The following NPAT variants were observed in gnomAD, a reference collection of about 807,000 sequenced individuals.
The protein encoded by NPAT is nuclear protein, coactivator of histone transcription, also known as protein NPAT.
Under a neutral mutation model 130.7 loss-of-function variants are expected in NPAT, and 52 were observed. The ratio of observed to expected loss-of-function variants is 0.40; its 90% confidence interval spans 0.32 to 0.50. NPAT has a LOEUF of 0.50. Among genes scored for constraint, NPAT ranks in the 20% least tolerant of loss-of-function variants. The probability of loss-of-function intolerance (pLI) is 0.68; values close to 1 mark genes in which losing one functional copy is unlikely to be tolerated. For synonymous variants in NPAT, 580 were observed against 584.8 expected, an observed-to-expected ratio of 0.99 and a Z score of 0.12; for missense variants, 1,687 against 1,662.6, an observed-to-expected ratio of 1.01 and a Z score of -0.26.
rs776739055 is a variant in NPAT, at chr11:108,173,845, T to C, written c.1139A>G (p.Gln380Arg). 1.7e-5 allele frequency: 27 copies of C among 1,614,082 alleles called. No individual in the cohort carries two copies. The highest frequency in any genetic ancestry group is 2.2e-5 in the Non-Finnish European group (26 of 1,179,956). Residue 380 changes from glutamine (Q) to arginine (R), a missense_variant, in exon 13 of 18, where the codon CAG becomes CGG. Coordinates refer to ENST00000278612, the MANE Select transcript of NPAT (RefSeq NM_002519.3). ...TGTACAAAAAGCGGGCTGACCAGAC[T>C]GACCATCTGCAAAGTATCAGGCAGG... is the stretch of plus-strand genomic sequence containing the variant. ...GSFETEESDG[Q>R]SGQPAFCTSY...
chr11:108,207,742 A>G (rs1280305665), intron 1 of NPAT, among the ~76,000 whole-genome samples: 1 of 152,002 alleles, frequency 6.6e-6, no homozygotes, highest in Non-Finnish European at 1.5e-5. Context: ...GGCCCCCGAG[A>G]GTGCAGGGAT....
At chr11:108,190,588 G>A in intron 4 of NPAT, 88 bp from the exon 5 acceptor site, 1 of 1,226,916 alleles carries the variant, frequency 8.2e-7, no homozygotes, top group South Asian at 1.2e-5. Context: ...CCTCAAGTTA[G>A]TTATGAGGTA....
chr11:108,167,905 A>G (rs552569470), intron 15 of NPAT, among the ~76,000 whole-genome samples: 69 of 152,352 alleles, frequency 4.5e-4, no homozygotes, highest in Non-Finnish European at 7.9e-4. Flanking sequence ...TAGGAAAAGG[A>G]TATGAATAAG....
intron 8 of NPAT, among the ~76,000 whole-genome samples, 160 bp from the exon 9 acceptor site, chr11:108,185,654 C>T (rs937532682): frequency 9.9e-5 from 15 of 152,180 alleles, no homozygotes; most frequent in African/African-American, 3.6e-4. Context: ...TACCTGAATA[C>T]AACACTTCAT....
chr11:108,160,344 G>A (rs527816116), intron 17 of NPAT, among the ~76,000 whole-genome samples: 104 of 151,544 alleles, frequency 6.9e-4, no homozygotes, highest in Non-Finnish European at 1.3e-3. Flanking sequence ...AAAAACATAC[G>A]TAAATTTGAT....
At position 108,161,588 on chromosome 11, in the gene NPAT, A is replaced by T; in HGVS notation, c.3498T>A (p.Asn1166Lys). The T allele has an allele frequency of 6.2e-7, 1 of 1,614,100 alleles. No individual in the cohort carries two copies. Among genetic ancestry groups the T allele is most frequent in the Non-Finnish European group, 8.5e-7 (1 of 1,180,018 alleles). Residue 1166 changes from asparagine (N) to lysine (K), a missense_variant, in exon 17 of 18, where the codon AAT becomes AAA. This residue lies in a region of NPAT where 1,379 missense variants were observed against 1,346.6 expected (regional missense o/e 1.02). Coordinates refer to ENST00000278612, the MANE Select transcript of NPAT (RefSeq NM_002519.3). ...CATCGCTGCATAATTCATTCTCCTTATTAGCTGTTGCTTTATGGAAAGATT... is the reference window on the plus strand; with the variant it reads ...CATCGCTGCATAATTCATTCTCCTTTTTAGCTGTTGCTTTATGGAAAGATT... Reference protein sequence around the residue: ...VLESFHKATANKENELCSDVE... With the variant: ...VLESFHKATAKKENELCSDVE...
Position 108,172,341 on chromosome 11 carries a change from A to G in NPAT, c.2643T>C (p.Ser881=), listed in dbSNP as rs1433244333. The G allele has an allele frequency of 6.2e-7, 1 of 1,614,106 alleles. No homozygotes were observed. ...ACACCACTACATTAGACTGACTTACAGATGTTCCTAACGCTGTTGGATCAG... is the reference window on the plus strand; with the variant it reads ...ACACCACTACATTAGACTGACTTACGGATGTTCCTAACGCTGTTGGATCAG... ...CVTDPTALGT[S]VSQSNVVVLP... The change falls in exon 13 of 18, where the codon TCT becomes TCC. Residue 881 remains serine (S), a synonymous_variant. Transcript: ENST00000278612.
rs551953729 is a variant in NPAT at position 108,160,006 on chromosome 11, C to T, written c.4206+874G>A. On this transcript the variant is annotated intron_variant, in intron 17 of 17. Transcript: ENST00000278612. ...TCTCTACTAAACATACAAAAATTAG[C>T]TGGGTGTGGTGGCAGACACCTGTAA... Among the ~76,000 whole-genome samples the T allele has an allele frequency of 3.4e-3, 515 of 152,106 alleles. No homozygotes were observed. In the Middle Eastern group the frequency reaches 0.041, roughly 12 times the overall value.
At chr11:108,196,223 T>C (rs1216732623) in intron 2 of NPAT, among the ~76,000 whole-genome samples, 1 of 152,244 alleles carries the variant, frequency 6.6e-6, no homozygotes, top group Non-Finnish European at 1.5e-5. Context: ...GATAAGACCA[T>C]CCTTTCTGCA....
intron 2 of NPAT, 37 bp from the exon 3 acceptor site, chr11:108,194,054 T>A: frequency 9.6e-7 from 1 of 1,039,158 alleles, no homozygotes; most frequent in Non-Finnish European, 1.5e-6. Context: ...CAAAATTGTA[T>A]AATACTACCA....
At chr11:108,165,074 T>C (rs928672470) in intron 15 of NPAT, among the ~76,000 whole-genome samples, 1 of 151,992 alleles carries the variant, frequency 6.6e-6, no homozygotes, top group African/African-American at 2.4e-5. Context: ...GGGTGGTGGG[T>C]AGATTTACAA....
intron 10 of NPAT, among the ~76,000 whole-genome samples, chr11:108,183,741 G>A (rs2078078607): frequency 6.6e-6 from 1 of 152,176 alleles, no homozygotes; most frequent in Non-Finnish European, 1.5e-5. Context: ...GTTGCAGTGA[G>A]CCAAGATCGT....
Position 108,177,001 on chromosome 11 carries a change from A to G in NPAT, c.996T>C (p.Phe332=). 6.2e-7 allele frequency: 1 copy of G among 1,604,342 alleles called. No individual in the cohort carries two copies. The part of the protein sequence containing the change: ...DPAFQALFDL[F]DYGKTKNNKN... ...AATAAATAGTCTCCTTACCATAGTC[A>G]AAGAGATCAAAGAGTGCCTGAAATG... The change falls in exon 11 of 18, where the codon TTT becomes TTC. Residue 332 remains phenylalanine (F), a synonymous_variant. Transcript: ENST00000278612.
chr11:108,184,399 G>C (rs1257231026), intron 10 of NPAT, among the ~76,000 whole-genome samples: 1 of 151,556 alleles, frequency 6.6e-6, no homozygotes, highest in African/African-American at 2.4e-5. Flanking sequence ...ATGAACCTGG[G>C]AGGCAGAGCT....
rs576531088 is a variant in NPAT at position 108,203,540 on chromosome 11, C to A, written c.38-6120G>T. Among the ~76,000 whole-genome samples the A allele has an allele frequency of 6.6e-5, 10 of 152,240 alleles. No individual in the cohort carries two copies. The East Asian group carries it at 1.7e-3, about 26-fold the overall frequency. ...TGACCTGTAACAGTACCCGAAGTAC[C>A]AGTGTGAAAAAATCAGAGACCTCAA... is the stretch of plus-strand genomic sequence containing the variant. On this transcript the variant is annotated intron_variant, in intron 1 of 17. Coordinates refer to ENST00000278612, the MANE Select transcript of NPAT (RefSeq NM_002519.3).
rs1253187230 is a variant in NPAT, at chr11:108,172,839, A to G, written c.2145T>C (p.Pro715=). ...GTTTATCATCAGTATTTTGGGACTC[A>G]GGGTGAGAATCTCCCACTGAAGAAC... ...SVCSSVGDSH[P]ESQNTDDKPS... Residue 715 remains proline, a synonymous_variant, in exon 13 of 18, where the codon CCT becomes CCC. Transcript: ENST00000278612. 1 of 1,613,968 alleles carries G rather than the reference A, an allele frequency of 6.2e-7. No individual in the cohort carries two copies. Among genetic ancestry groups the G allele is most frequent in the Non-Finnish European group, 8.5e-7 (1 of 1,180,022 alleles).
intron 13 of NPAT, among the ~76,000 whole-genome samples, chr11:108,170,771 T>G (rs552381096): frequency 3.3e-5 from 5 of 152,352 alleles, no homozygotes; most frequent in Admixed American, 2.0e-4. Context: ...AAAACTTCCT[T>G]GCTTTAACTC....
intron 10 of NPAT, among the ~76,000 whole-genome samples, chr11:108,183,556 C>T (rs2078076949): frequency 1.3e-5 from 2 of 152,288 alleles, no homozygotes; most frequent in African/African-American, 4.8e-5. Context: ...AATCCCAGCA[C>T]TTTGGGAGGC....
chr11:108,163,406 A>G (rs183041297), intron 15 of NPAT, among the ~76,000 whole-genome samples: 1 of 152,258 alleles, frequency 6.6e-6, no homozygotes, highest in East Asian at 1.9e-4. Flanking sequence ...AATAGGGAAG[A>G]TGCATGAATA....
Sources: gnomAD v4.1 joint callset for allele counts (sites outside exome capture counted in the v4.1 genomes callset) on GRCh38, gnomAD v4.1.1 for gene constraint, gnomAD v4.1.1 regional missense constraint, MANE v1.5 for transcripts, NCBI Gene and HGNC (gene_info 2026-07-23, HGNC 2026-07-21) for gene names.